The following KCNH1 variants were observed in gnomAD, a reference collection of about 807,000 sequenced individuals.
KCNH1 encodes voltage-gated delayed rectifier potassium channel KCNH1.
In KCNH1, 27 loss-of-function variants were observed where a neutral mutation model predicts 69.2. The ratio of observed to expected loss-of-function variants is 0.39; its 90% CI spans 0.29 to 0.54. KCNH1 has a LOEUF of 0.54. KCNH1 is among the 20% of genes least tolerant of loss of function. The pLI, the probability that KCNH1 is intolerant of heterozygous loss-of-function variation, is 0.68. For synonymous variants in KCNH1, 456 were observed against 487.7 expected, an observed-to-expected ratio of 0.93 and a Z score of 0.86; for missense variants, 798 against 1,261.6, an observed-to-expected ratio of 0.63 and a Z score of 5.57.
chr1:210,942,712 T>C (rs1185038426), intron 6 of KCNH1, among the ~76,000 whole-genome samples: 1 of 151,944 alleles, frequency 6.6e-6, no homozygotes. Context: ...AGACTTTTGC[T>C]TCAGGACACT....
chr1:211,098,503 A>T (rs1691200018), intron 3 of KCNH1, among the ~76,000 whole-genome samples: 1 of 152,202 alleles, frequency 6.6e-6, no homozygotes. Context: ...ATTCCAAACC[A>T]TACCATGAAG....
At chr1:210,964,904 T>C (rs1007865320) in intron 6 of KCNH1, among the ~76,000 whole-genome samples, 12 of 152,188 alleles carry the variant, frequency 7.9e-5, no homozygotes, top group African/African-American at 2.9e-4. Context: ...TTCTCCACCA[T>C]GATCAAGTCA....
intron 6 of KCNH1, among the ~76,000 whole-genome samples, chr1:211,002,355 C>CACACACACATATATATAT (rs1558563254): frequency 7.1e-6 from 1 of 141,278 alleles, no homozygotes; most frequent in Non-Finnish European, 1.5e-5. Flanking sequence ...TATATATATA[C>CACACACACATATATATAT]ACACACACAT....
At chr1:210,987,076 C>G (rs967997778) in intron 6 of KCNH1, among the ~76,000 whole-genome samples, 3 of 152,150 alleles carry the variant, frequency 2.0e-5, no homozygotes, top group Admixed American at 1.3e-4. Flanking sequence ...GTGAGTGAAT[C>G]AGCTACCGAG....
Position 210,684,141 on chromosome 1 carries a change from G to GGAGA in KCNH1, c.2113-7_2113-4dup, listed in dbSNP as rs144706702. The GGAGA allele has an allele frequency of 2.5e-5, 32 of 1,281,348 alleles. No homozygotes were observed. The highest frequency in any genetic ancestry group is 8.1e-5 in the East Asian group (3 of 36,884). 79.4% of individuals were successfully genotyped at this position (1,281,348 alleles called of 1,614,324 possible). A position where few individuals can be genotyped will look rare whatever the true frequency, so the allele number is the denominator to read the frequency against. On this transcript the variant is annotated splice_region_variant and splice_polypyrimidine_tract_variant and intron_variant, in intron 10 of 10. Transcript: ENST00000271751. ...TCGCTGATCTTCCGGAACACAATCTGGAGAGAGAGAGAGAGAGAATGACAT... is the reference window on the plus strand; with the variant it reads ...TCGCTGATCTTCCGGAACACAATCTGGAGAGAGAGAGAGAGAGAGAGAATGACAT...
At chr1:211,050,323 G>C (rs190004993) in intron 5 of KCNH1, among the ~76,000 whole-genome samples, 1 of 140,748 alleles carries the variant, frequency 7.1e-6, no homozygotes, top group Non-Finnish European at 1.5e-5. Flanking sequence ...CTGGGGTGGC[G>C]CTCTAGTCAC....
intron 5 of KCNH1, among the ~76,000 whole-genome samples, chr1:211,060,259 A>G (rs964773775): frequency 6.6e-6 from 1 of 151,984 alleles, no homozygotes; most frequent in African/African-American, 2.4e-5. Flanking sequence ...GTTTATACCA[A>G]TAAATGCCAC....
chr1:210,741,500 T>A (rs1683030232), intron 10 of KCNH1, among the ~76,000 whole-genome samples: 1 of 152,066 alleles, frequency 6.6e-6, no homozygotes, highest in African/African-American at 2.4e-5. Flanking sequence ...CTGTGAAAGA[T>A]GGGGCCAAGC....
intron 5 of KCNH1, among the ~76,000 whole-genome samples, chr1:211,045,329 G>T (rs1690079181): frequency 1.3e-5 from 2 of 151,742 alleles, no homozygotes; most frequent in African/African-American, 4.8e-5. Context: ...TACTGCTCAG[G>T]TGATGGGTGC....
intron 10 of KCNH1, among the ~76,000 whole-genome samples, chr1:210,719,986 C>G (rs989607054): frequency 2.0e-5 from 3 of 152,136 alleles, no homozygotes; most frequent in African/African-American, 7.2e-5. Context: ...TCCCGTCTTT[C>G]CTATATTCCT....
intron 3 of KCNH1, 76 bp downstream of exon 3, chr1:211,103,420 C>A: frequency 1.1e-6 from 1 of 944,518 alleles, no homozygotes; most frequent in Non-Finnish European, 1.6e-6. Context: ...AAAACCAAGA[C>A]AGCAACAGAG....
chr1:210,981,706 C>T (rs1420792964), intron 6 of KCNH1, among the ~76,000 whole-genome samples: 2 of 152,126 alleles, frequency 1.3e-5, no homozygotes, highest in Non-Finnish European at 2.9e-5. Flanking sequence ...GGCCAGAATT[C>T]CAGTGACTCA....
At chr1:211,101,546 A>C (rs1691257403) in intron 3 of KCNH1, among the ~76,000 whole-genome samples, 1 of 152,220 alleles carries the variant, frequency 6.6e-6, no homozygotes, top group South Asian at 2.1e-4. Context: ...TGTGTGAATT[A>C]GAAAGAGAAA....
At chr1:210,987,301 C>G (rs528387252) in intron 6 of KCNH1, among the ~76,000 whole-genome samples, 2 of 152,160 alleles carry the variant, frequency 1.3e-5, no homozygotes. Context: ...CCATTCTCCA[C>G]CCAGCTTTGT....
Position 210,908,059 on chromosome 1 carries a change from C to T in KCNH1, c.1462+11581G>A, listed in dbSNP as rs1244012666. Among the ~76,000 whole-genome samples the T allele has an allele frequency of 3.9e-5, 6 of 152,284 alleles. No homozygotes were observed. The South Asian group carries it at 1.0e-3, about 26-fold the overall frequency. ...ATTTGGTGCAATAAAAAGCCCACCG[C>T]AAAGGCAGATGATGGTAGAGACATG... On this transcript the variant is annotated intron_variant, in intron 7 of 10. Coordinates refer to ENST00000271751, the MANE Select transcript of KCNH1 (RefSeq NM_172362.3).
intron 7 of KCNH1, among the ~76,000 whole-genome samples, chr1:210,873,516 T>TC (rs1686296321): frequency 2.7e-5 from 4 of 148,752 alleles, no homozygotes; most frequent in Non-Finnish European, 5.9e-5. Context: ...CCCAGCTTAT[T>TC]TTTTTTTACT....
chr1:211,051,969 A>G (rs536640536), intron 5 of KCNH1, among the ~76,000 whole-genome samples: 2 of 126,346 alleles, frequency 1.6e-5, no homozygotes, highest in South Asian at 5.6e-4. Context: ...CTAAAGAAAG[A>G]AAAAGAAAAA....
intron 5 of KCNH1, among the ~76,000 whole-genome samples, chr1:211,065,450 A>G (rs556730529): frequency 2.0e-5 from 3 of 152,298 alleles, no homozygotes; most frequent in African/African-American, 7.2e-5. Flanking sequence ...AGAAGTAGAG[A>G]GTAGACTGGT....
At chr1:211,114,282 G>C (rs2102492175) in intron 1 of KCNH1, among the ~76,000 whole-genome samples, 1 of 152,204 alleles carries the variant, frequency 6.6e-6, no homozygotes, top group East Asian at 1.9e-4. Context: ...GAAGCAATGA[G>C]GTGGGTAGAA....
Sources: gnomAD v4.1 joint callset for allele counts (sites outside exome capture counted in the v4.1 genomes callset) on GRCh38, gnomAD v4.1.1 for gene constraint, MANE v1.5 for transcripts, NCBI Gene and HGNC (gene_info 2026-07-23, HGNC 2026-07-21) for gene names.